Variants in DAG1 observed in about 807,000 individuals in gnomAD.
DAG1 encodes dystroglycan 1, also known as dystroglycan 1 (dystrophin-associated glycoprotein 1).
Under a neutral mutation model 46.1 loss-of-function variants are expected in DAG1, and 8 were observed. That is an observed-to-expected ratio of 0.17 (90% CI 0.10 to 0.31). The LOEUF is 0.31. Among genes scored for constraint, DAG1 ranks in the 10% least tolerant of loss-of-function variants. The pLI, the probability that DAG1 is intolerant of heterozygous loss-of-function variation, is 1.00. For synonymous variants in DAG1, 495 were observed against 481.8 expected, an observed-to-expected ratio of 1.03 and a Z score of -0.36; for missense variants, 1,003 against 1,189.9, an observed-to-expected ratio of 0.84 and a Z score of 2.31.
chr3:49,510,366 G>C (rs2050729363), intron 1 of DAG1, 53 bp from the exon 2 acceptor site: 1 of 686,568 alleles, frequency 1.5e-6, no homozygotes, highest in African/African-American at 1.8e-5. Context: ...GATAGTATGT[G>C]ACTGAACCAC....
intron 2 of DAG1, among the ~76,000 whole-genome samples, chr3:49,529,618 G>A (rs2051287125): frequency 6.6e-6 from 1 of 152,214 alleles, no homozygotes; most frequent in African/African-American, 2.4e-5. Flanking sequence ...GCAGTCCTAA[G>A]CTGAGTCTGG....
At chr3:49,502,884 G>A (rs748103223) in intron 1 of DAG1, among the ~76,000 whole-genome samples, 1 of 152,006 alleles carries the variant, frequency 6.6e-6, no homozygotes, top group Non-Finnish European at 1.5e-5. Flanking sequence ...TGATCTGCCC[G>A]CCTTGGCCTC....
intron 1 of DAG1, among the ~76,000 whole-genome samples, chr3:49,505,966 G>A (rs1259627620): frequency 3.4e-5 from 5 of 148,740 alleles, no homozygotes; most frequent in African/African-American, 5.0e-5. Flanking sequence ...CACCACGCCC[G>A]GCCTATTTTT....
At chr3:49,482,987 A>G (rs1046503443) in intron 1 of DAG1, among the ~76,000 whole-genome samples, 1 of 152,056 alleles carries the variant, frequency 6.6e-6, no homozygotes, top group Non-Finnish European at 1.5e-5. Flanking sequence ...TTCTCCAGGG[A>G]TAGATTGATT....
intron 1 of DAG1, among the ~76,000 whole-genome samples, chr3:49,504,650 G>A (rs888620808): frequency 1.7e-5 from 2 of 117,014 alleles, no homozygotes; most frequent in East Asian, 2.9e-4. Context: ...GCAGTGGCAC[G>A]ATCTCGGCTC....
At chr3:49,526,828 T>C (rs1277127097) in intron 2 of DAG1, among the ~76,000 whole-genome samples, 2 of 152,274 alleles carry the variant, frequency 1.3e-5, no homozygotes, top group African/African-American at 2.4e-5. Flanking sequence ...TTGAGCATTA[T>C]AACTTGCTTT....
chr3:49,472,949 G>A (rs1395978426), intron 1 of DAG1, among the ~76,000 whole-genome samples: 2 of 150,514 alleles, frequency 1.3e-5, no homozygotes, highest in African/African-American at 2.4e-5. Flanking sequence ...GTGAAACCCC[G>A]TCTCTACTAA....
intron 1 of DAG1, among the ~76,000 whole-genome samples, chr3:49,471,579 G>A (rs1170410920): frequency 1.3e-5 from 2 of 152,268 alleles, no homozygotes; most frequent in South Asian, 2.1e-4. Context: ...CTCATGGCCT[G>A]TGTCCTGTAT....
rs577305594 is a variant in DAG1, at chr3:49,507,223, T to G, written c.-116-3196T>G. ...AGAAAAGATTGGTAGAACTTACCGC[T>G]GATGTCATTCAGGCCTGTAGATTTC... is the stretch of plus-strand genomic sequence containing the variant. On this transcript the variant is annotated intron_variant, in intron 1 of 2. Transcript: ENST00000308775. Among the ~76,000 whole-genome samples the G allele has an allele frequency of 7.4e-4, 113 of 152,172 alleles. No homozygotes were observed. The Middle Eastern group carries it at 0.01, about 14-fold the overall frequency.
intron 1 of DAG1, among the ~76,000 whole-genome samples, chr3:49,473,247 C>T (rs1296033026): frequency 4.6e-5 from 7 of 151,858 alleles, no homozygotes; most frequent in Non-Finnish European, 2.9e-5. Flanking sequence ...AACCCTGTCT[C>T]TACTAAAAAT....
At chr3:49,530,073 G>A (rs1262101895) in intron 2 of DAG1, among the ~76,000 whole-genome samples, 1 of 152,124 alleles carries the variant, frequency 6.6e-6, no homozygotes, top group Non-Finnish European at 1.5e-5. Flanking sequence ...AGAGCTCCTT[G>A]GGATTCCTTT....
chr3:49,526,401 A>G (rs548241421), intron 2 of DAG1, among the ~76,000 whole-genome samples: 1 of 152,356 alleles, frequency 6.6e-6, no homozygotes, highest in African/African-American at 2.4e-5. Context: ...CTGCAAAGCC[A>G]TGGGTAGACA....
chr3:49,527,870 CA>C (rs2107865916), intron 2 of DAG1, among the ~76,000 whole-genome samples: 1 of 152,298 alleles, frequency 6.6e-6, no homozygotes, highest in East Asian at 1.9e-4. Context: ...GTCTCCTCTG[CA>C]GTTGGCTTCT....
intron 2 of DAG1, 72 bp downstream of exon 2, chr3:49,510,891 T>C: frequency 6.3e-7 from 1 of 1,576,500 alleles, no homozygotes; most frequent in Middle Eastern, 1.7e-4. Flanking sequence ...GCTTTTCCTT[T>C]TCAAGTCTAA....
intron 1 of DAG1, among the ~76,000 whole-genome samples, chr3:49,483,546 C>T (rs1465868050): frequency 1.3e-5 from 2 of 151,932 alleles, no homozygotes; most frequent in Non-Finnish European, 1.5e-5. Context: ...GTCAGGGATA[C>T]GTTGCCGTCT....
intron 2 of DAG1, among the ~76,000 whole-genome samples, chr3:49,527,126 T>A (rs2107847798): frequency 6.6e-6 from 1 of 152,240 alleles, no homozygotes; most frequent in East Asian, 1.9e-4. Context: ...GTGCGGTGGC[T>A]CATGCCTGTA....
chr3:49,500,959 T>G (rs1024181522), intron 1 of DAG1, among the ~76,000 whole-genome samples: 20 of 152,216 alleles, frequency 1.3e-4, no homozygotes, highest in African/African-American at 4.1e-4. Flanking sequence ...AGTATATGGA[T>G]GCAGCCTATC....
At chr3:49,515,009 G>A (rs1490665501) in intron 2 of DAG1, among the ~76,000 whole-genome samples, 3 of 152,184 alleles carry the variant, frequency 2.0e-5, no homozygotes, top group Middle Eastern at 3.2e-3. Flanking sequence ...ACAGGCATGC[G>A]CCACCACACC....
At chr3:49,487,692 C>CTTTTTTTTTTTT (rs10686005) in intron 1 of DAG1, among the ~76,000 whole-genome samples, 9 of 105,706 alleles carry the variant, frequency 8.5e-5, no homozygotes, top group Non-Finnish European at 1.6e-4. Context: ...CCCATACATT[C>CTTTTTTTTTTTT]TTTTTTTTTT....
Sources: allele counts gnomAD v4.1 joint callset (sites outside exome capture counted in the v4.1 genomes callset), GRCh38; gene constraint gnomAD v4.1.1; transcripts MANE v1.5; gene names NCBI Gene and HGNC (gene_info 2026-07-23, HGNC 2026-07-21).